SRRM3: variants seen among roughly 807,000 people sequenced by gnomAD.
SRRM3 encodes the protein serine/arginine repetitive matrix protein 3.
Under a neutral mutation model 66.2 loss-of-function variants are expected in SRRM3, and 27 were observed. The observed-to-expected ratio is 0.41, with a 90% CI of 0.30 to 0.56. The LOEUF (loss-of-function observed/expected upper bound fraction) is 0.56. Among genes scored for constraint, SRRM3 ranks in the 20% least tolerant of loss-of-function variants. SRRM3 has a pLI of 0.32. For missense variants in SRRM3, 918 were observed against 991.9 expected (o/e 0.93, Z 1.00); for synonymous variants, 391 against 414.9 (o/e 0.94, Z 0.70).
Position 76,260,207 on chromosome 7 carries a change from G to C in SRRM3, c.545+10G>C. The C allele has an allele frequency of 1.3e-6, 2 of 1,527,134 alleles. No homozygotes were observed. Among genetic ancestry groups the C allele is most frequent in the Non-Finnish European group, 1.8e-6 (2 of 1,139,586 alleles). The allele number at this position is 1,527,134 out of a possible 1,614,324, so 94.6% of individuals were successfully genotyped here. ...GCCACCGGAGAAGCCGGTGAGAACC[G>C]CGCCTGACCGGAGCGGGAAGGGAGG... On this transcript the variant is annotated intron_variant, in intron 5 of 14. Transcript: ENST00000611745.
rs57266029 is a variant in SRRM3, at chr7:76,213,004, CTTTTTTTTTTT to C, written c.-40+10950_-40+10960del. ...CCCTGGCCCACTTTACACCCCATTCCTTTTTTTTTTTTTTTTTTTTTTTGAGACGGAGTCTC... is the reference window on the plus strand; with the variant it reads ...CCCTGGCCCACTTTACACCCCATTCCTTTTTTTTTTTTGAGACGGAGTCTC... On this transcript the variant is annotated intron_variant, in intron 1 of 14. Transcript: ENST00000611745. 2.0e-3 allele frequency among the ~76,000 whole-genome samples: 137 copies of C among 67,914 alleles called. 2 individuals are homozygous for C. Among genetic ancestry groups the C allele is most frequent in the Admixed American group, 7.3e-3 (36 of 4,908 alleles). 44.6% of individuals were successfully genotyped at this position (67,914 alleles called of 152,430 possible). A position where few individuals can be genotyped will look rare whatever the true frequency, so the allele number is the denominator to read the frequency against.
chr7:76,253,517 A>C (rs1467256981), intron 3 of SRRM3, among the ~76,000 whole-genome samples: 2 of 151,970 alleles, frequency 1.3e-5, no homozygotes, highest in Non-Finnish European at 2.9e-5. Flanking sequence ...GCTACTCGGG[A>C]AGCTGAGGCA....
At position 76,283,019 on chromosome 7, in the gene SRRM3, C is replaced by A; in HGVS notation, c.1651C>A (p.Arg551=). The A allele has an allele frequency of 6.8e-7, 1 of 1,476,552 alleles. No individual in the cohort carries two copies. Among genetic ancestry groups the A allele is most frequent in the South Asian group, 1.3e-5 (1 of 77,358 alleles). The allele number at this position is 1,476,552 out of a possible 1,614,324, so 91.5% of individuals were successfully genotyped here. ...CTCTGAGGCCGAGGCCACCCGCGCC[C>A]GGCGCCGCTCCCGCAGCTACTCGCC... is the stretch of plus-strand genomic sequence containing the variant. ...RHSEAEATRA[R]RRSRSYSPIR... is the part of the protein sequence containing the mutation. Residue 551 remains arginine, a synonymous_variant, in exon 14 of 15, where the codon CGG becomes AGG. Coordinates refer to ENST00000611745, the MANE Select transcript of SRRM3 (RefSeq NM_001110199.3).
intron 3 of SRRM3, among the ~76,000 whole-genome samples, chr7:76,248,756 A>C (rs1554606487): frequency 6.6e-6 from 1 of 152,196 alleles, no homozygotes; most frequent in Non-Finnish European, 1.5e-5. Context: ...AGTCAGGCAG[A>C]TCGCTTGAGG....
At chr7:76,246,109 G>A (rs1554606145) in intron 2 of SRRM3, among the ~76,000 whole-genome samples, 1 of 152,170 alleles carries the variant, frequency 6.6e-6, no homozygotes. Context: ...AGAGAGAAAG[G>A]TTTGGGACAA....
intron 7 of SRRM3, 50 bp downstream of exon 7, chr7:76,261,464 C>G (rs373529475): frequency 1.0e-5 from 16 of 1,598,234 alleles, no homozygotes; most frequent in Non-Finnish European, 1.4e-5. Flanking sequence ...CCGTGGGGCC[C>G]AGGGCCAGGG....
chr7:76,283,952 C>A (rs1802596464), intron 14 of SRRM3: 2 of 486,922 alleles, frequency 4.1e-6, no homozygotes, highest in Non-Finnish European at 5.3e-6. Context: ...CCTTGCTGGG[C>A]AGCCTTGGGA....
chr7:76,205,464 C>G (rs1800271966), intron 1 of SRRM3, among the ~76,000 whole-genome samples: 1 of 152,242 alleles, frequency 6.6e-6, no homozygotes, highest in South Asian at 2.1e-4. Flanking sequence ...CCTGCCTCAG[C>G]CTCCCCAAGT....
intron 11 of SRRM3, among the ~76,000 whole-genome samples, chr7:76,276,579 G>A (rs1248324848): frequency 6.6e-6 from 1 of 152,138 alleles, no homozygotes; most frequent in African/African-American, 2.4e-5. Context: ...GGGGAGAGGG[G>A]ATCCCTGCAA....
chr7:76,277,470 GA>G (rs1261012270), intron 11 of SRRM3, among the ~76,000 whole-genome samples: 2 of 152,062 alleles, frequency 1.3e-5, no homozygotes, highest in East Asian at 3.9e-4. Context: ...AAGGCAGGTG[GA>G]TCGCTTGAGG....
chr7:76,211,971 C>T (rs1800444653), intron 1 of SRRM3, among the ~76,000 whole-genome samples: 2 of 150,798 alleles, frequency 1.3e-5, no homozygotes, highest in African/African-American at 4.9e-5. Context: ...TCCTGAGTAG[C>T]TGGCACTACA....
chr7:76,281,419 T>C, intron 11 of SRRM3, 22 bp from the exon 12 acceptor site: 1 of 1,217,776 alleles, frequency 8.2e-7, no homozygotes, highest in Non-Finnish European at 1.0e-6. Context: ...CTCCGTGCCC[T>C]GTCTGCCTCT....
chr7:76,235,164 C>A lies in SRRM3; in HGVS notation c.98C>A (p.Pro33Gln). ...PQPSSSSGTWPRAEEELRAAE... is the reference protein window; with the variant it reads ...PQPSSSSGTWQRAEEELRAAE... Reference sequence around the variant, plus strand: ...CCCAGCTCCTCCTCGGGGACCTGGCCGCGGGCGGAAGAGGAGCTGCGCGCC... The same window carrying A: ...CCCAGCTCCTCCTCGGGGACCTGGCAGCGGGCGGAAGAGGAGCTGCGCGCC... Residue 33 changes from proline (P) to glutamine (Q), a missense_variant, in exon 2 of 15, where the codon CCG becomes CAG. Transcript: ENST00000611745. 6.4e-7 allele frequency: 1 copy of A among 1,553,958 alleles called. No individual in the cohort carries two copies. The highest frequency in any genetic ancestry group is 8.6e-7 in the Non-Finnish European group (1 of 1,157,640).
chr7:76,267,202 T>G, intron 10 of SRRM3, 56 bp from the exon 11 acceptor site: 1 of 1,426,990 alleles, frequency 7.0e-7, no homozygotes, highest in Non-Finnish European at 9.2e-7. Context: ...GCGCAACTGC[T>G]TGCAAAGCGG....
intron 11 of SRRM3, among the ~76,000 whole-genome samples, chr7:76,270,813 C>CG (rs1159153352): frequency 3.7e-5 from 5 of 135,106 alleles, no homozygotes; most frequent in African/African-American, 1.3e-4. Context: ...GACTCCGTCT[C>CG]GGAAAAAAAA....
intron 11 of SRRM3, among the ~76,000 whole-genome samples, chr7:76,276,196 G>GATTC (rs1239234813): frequency 6.6e-6 from 1 of 152,150 alleles, no homozygotes; most frequent in Non-Finnish European, 1.5e-5. Flanking sequence ...CGAGGTCCCT[G>GATTC]ATTCACTCAC....
At chr7:76,215,687 G>A (rs1314457207) in intron 1 of SRRM3, among the ~76,000 whole-genome samples, 8 of 148,084 alleles carry the variant, frequency 5.4e-5, no homozygotes, top group African/African-American at 1.8e-4. Context: ...GAGTGCAATG[G>A]CATGATCTCA....
At chr7:76,208,918 A>AAAGG (rs1240270359) in intron 1 of SRRM3, among the ~76,000 whole-genome samples, 1 of 150,078 alleles carries the variant, frequency 6.7e-6, no homozygotes, top group Non-Finnish European at 1.5e-5. Flanking sequence ...AGAGAGGGAG[A>AAAGG]AAGGAAGGAA....
chr7:76,264,520 G>A (rs1388275294), intron 8 of SRRM3, among the ~76,000 whole-genome samples: 1 of 152,140 alleles, frequency 6.6e-6, no homozygotes, highest in Non-Finnish European at 1.5e-5. Flanking sequence ...TCCCAGACTG[G>A]GCAGCATTTG....
Sources: allele counts gnomAD v4.1 joint callset (sites outside exome capture counted in the v4.1 genomes callset), GRCh38; gene constraint gnomAD v4.1.1; transcripts MANE v1.5; gene names NCBI Gene and HGNC (gene_info 2026-07-23, HGNC 2026-07-21).